Variants in ACOT11 observed in about 807,000 individuals in gnomAD.
ACOT11 encodes the protein acyl-CoA thioesterase 11.
A neutral mutation model predicts 77.5 loss-of-function variants in ACOT11; 69 were observed. The ratio of observed to expected loss-of-function variants is 0.89; its 90% CI spans 0.73 to 1.09. The LOEUF is 1.09. Ranked by LOEUF, ACOT11 falls within the 50% of genes least tolerant of loss-of-function variation. The pLI is 0.00. For synonymous variants in ACOT11, 279 were observed against 313.0 expected, an observed-to-expected ratio of 0.89 and a Z score of 1.15; for missense variants, 766 against 813.7, an observed-to-expected ratio of 0.94 and a Z score of 0.71.
exon 17 of ACOT11, chr1:54,638,009 A>G (rs1025728405): frequency 1.3e-5 from 2 of 152,206 alleles, no homozygotes; most frequent in African/African-American, 4.8e-5. Flanking sequence ...AAATTAAAAT[A>G]GAGGGTCTCA....
chr1:54,625,383 C>G (rs1226234466), intron 15 of ACOT11, among the ~76,000 whole-genome samples: 1 of 152,120 alleles, frequency 6.6e-6, no homozygotes, highest in Non-Finnish European at 1.5e-5. Flanking sequence ...CAAGCAGGAA[C>G]ATTTTTGTGA....
chr1:54,571,593 C>T (rs1653932038), intron 1 of ACOT11, among the ~76,000 whole-genome samples: 1 of 152,208 alleles, frequency 6.6e-6, no homozygotes, highest in African/African-American at 2.4e-5. Flanking sequence ...TCTGCTAAGC[C>T]TTGTTCTGAG....
At chr1:54,637,414 T>G (rs931231981) in exon 17 of ACOT11, 1 of 152,028 alleles carries the variant, frequency 6.6e-6, no homozygotes, top group East Asian at 1.9e-4. Context: ...ACATGGGAGG[T>G]GGAGGCTGCA....
chr1:54,600,661 C>T (rs776979113), intron 8 of ACOT11, among the ~76,000 whole-genome samples: 7 of 151,872 alleles, frequency 4.6e-5, no homozygotes, highest in South Asian at 2.1e-4. Flanking sequence ...CCAGCCTGGG[C>T]GACAGAATGA....
chr1:54,560,317 G>GGTT (rs1297696511), intron 1 of ACOT11, among the ~76,000 whole-genome samples: 1 of 152,100 alleles, frequency 6.6e-6, no homozygotes, highest in East Asian at 1.9e-4. Context: ...AGCTTTTCTG[G>GGTT]GTTAGGAAGA....
chr1:54,570,044 C>T (rs893854015), intron 1 of ACOT11, among the ~76,000 whole-genome samples: 2 of 152,138 alleles, frequency 1.3e-5, no homozygotes, highest in East Asian at 3.9e-4. Flanking sequence ...ATTCCTAACC[C>T]AGTGGTCTGC....
At chr1:54,611,890 TA>T, downstream of ACOT11, 1 of 882,110 alleles carries the variant, frequency 1.1e-6, no homozygotes, top group Non-Finnish European at 1.7e-6. Flanking sequence ...CCCTGAGTCC[TA>T]CCCCTTCCCA....
At chr1:54,564,096 G>A (rs528847856) in intron 1 of ACOT11, among the ~76,000 whole-genome samples, 200 of 151,652 alleles carry the variant, frequency 1.3e-3, no homozygotes, top group African/African-American at 4.6e-3. Flanking sequence ...GCCAGGTGTG[G>A]TGGTGCGTGC....
At chr1:54,603,790 C>A in intron 10 of ACOT11, 81 bp from the exon 11 acceptor site, 2 of 1,347,100 alleles carry the variant, frequency 1.5e-6, no homozygotes, top group Non-Finnish European at 2.1e-6. Flanking sequence ...CAGGGCCTAG[C>A]ACAGAGTAGG....
chr1:54,593,956 GCCTCGGAGGA>G lies in ACOT11; in HGVS notation c.392_401del (p.Ser131CysfsTer25). On this transcript the variant is annotated frameshift_variant, in exon 5 of 16. Transcript: ENST00000343744. LOFTEE classifies it high-confidence loss of function. ...TCCTCTCCAGGTGGGCATCCAGGTG[GCCTCGGAGGA>G]CCTGTGCTCTGAGAAGCAGTGGAAT... The G allele has an allele frequency of 6.2e-7, 1 of 1,614,130 alleles. No individual in the cohort carries two copies. The highest frequency in any genetic ancestry group is 8.5e-7 in the Non-Finnish European group (1 of 1,179,990).
At chr1:54,570,586 C>T (rs771545059) in intron 1 of ACOT11, among the ~76,000 whole-genome samples, 5 of 151,970 alleles carry the variant, frequency 3.3e-5, no homozygotes, top group Admixed American at 6.5e-5. Context: ...GATCTCAGCT[C>T]ACTACAACCT....
At chr1:54,606,816 A>T (rs1644031571) in intron 13 of ACOT11, among the ~76,000 whole-genome samples, 1 of 152,208 alleles carries the variant, frequency 6.6e-6, no homozygotes, top group South Asian at 2.1e-4. Context: ...CTCTGTGTAC[A>T]CTGATGTCTG....
downstream of ACOT11, among the ~76,000 whole-genome samples, chr1:54,612,944 G>A (rs1702014): frequency 0.79 from 119,910 of 151,950 alleles, 49,044 homozygotes; most frequent in Non-Finnish European, 0.91. Context: ...AGGTAACTCA[G>A]CCTCATAGAC....
At chr1:54,611,775 G>A, downstream of ACOT11, 1 of 1,613,050 alleles carries the variant, frequency 6.2e-7, no homozygotes, top group East Asian at 2.2e-5. Flanking sequence ...CTCAGTGCCT[G>A]TCTGGGCCCA....
At chr1:54,630,746 A>G in exon 16 of ACOT11, 1 of 743,584 alleles carries the variant, frequency 1.3e-6, no homozygotes. Flanking sequence ...CTGCTGGGTT[A>G]GGGTCTCCCT....
chr1:54,570,022 C>A (rs1653879653), intron 1 of ACOT11, among the ~76,000 whole-genome samples: 1 of 152,162 alleles, frequency 6.6e-6, no homozygotes, highest in Non-Finnish European at 1.5e-5. Context: ...TATGCAAATG[C>A]AAATTTTGTC....
At chr1:54,561,985 C>T (rs1437271756) in intron 1 of ACOT11, among the ~76,000 whole-genome samples, 20 of 70,096 alleles carry the variant, frequency 2.9e-4, no homozygotes, top group South Asian at 6.6e-4. Context: ...CCAGTAGGGG[C>T]GGCCGGGCAG....
chr1:54,564,275 A>AAAAG (rs1365980209), intron 1 of ACOT11, among the ~76,000 whole-genome samples: 1 of 152,150 alleles, frequency 6.6e-6, no homozygotes. Flanking sequence ...AAAAAAGAAA[A>AAAAG]AAAGAAAGAA....
chr1:54,584,831 C>T lies in ACOT11; in HGVS notation c.210C>T (p.Leu70=), dbSNP rs1654441149. Residue 70 remains leucine, a synonymous_variant, in exon 2 of 16, where the codon CTC becomes CTT. Transcript: ENST00000343744. This position sits in a 1 kb window ranked among gnomAD's most constrained non-coding sequence, Gnocchi z 6.3. ...QRGELSVGQL[L]KWIDTTACLS... ...GTGAGCTGAGCGTCGGGCAGCTGCT[C>T]AAGTGGATTGACACCACGGCTTGCC... 6.2e-7 allele frequency: 1 copy of T among 1,613,948 alleles called. No homozygotes were observed. The highest frequency in any genetic ancestry group is 8.5e-7 in the Non-Finnish European group (1 of 1,180,026).
Sources: gnomAD v4.1 joint callset for allele counts (sites outside exome capture counted in the v4.1 genomes callset) on GRCh38, gnomAD v4.1.1 for gene constraint, Gnocchi (gnomAD v3.1) non-coding constraint, MANE v1.5 for transcripts, NCBI Gene and HGNC (gene_info 2026-07-23, HGNC 2026-07-21) for gene names.